The following NTN1 variants were observed in gnomAD, a reference collection of about 807,000 sequenced individuals.
The protein encoded by NTN1 is netrin 1, also known as netrin-1.
Under a neutral mutation model 54.2 loss-of-function variants are expected in NTN1, and 11 were observed. The ratio of observed to expected loss-of-function variants is 0.20; its 90% confidence interval spans 0.13 to 0.34. The LOEUF (loss-of-function observed/expected upper bound fraction) is 0.34. NTN1 is among the 10% of genes least tolerant of loss of function. NTN1 has a pLI of 1.00. For missense variants in NTN1, 740 were observed against 893.1 expected (o/e 0.83, Z 2.18); for synonymous variants, 371 against 382.0 (o/e 0.97, Z 0.33).
rs571563816 is a variant in NTN1 at position 9,073,172 on chromosome 17, C to G, written c.1018+49781C>G. 2.6e-5 allele frequency among the ~76,000 whole-genome samples: 4 copies of G among 152,196 alleles called. No individual in the cohort carries two copies. The South Asian group carries it at 6.2e-4, about 24-fold the overall frequency. ...GGCCCAAGCAGCCATGCACAGGGGC[C>G]GCATTTGCAAACAGTGGCTGGGAGG... On this transcript the variant is annotated intron_variant, in intron 2 of 6. Transcript: ENST00000173229.
Position 9,207,402 on chromosome 17 carries a change from A to G in NTN1, c.1412-13766A>G, listed in dbSNP as rs368899876. Among the ~76,000 whole-genome samples the G allele has an allele frequency of 8.5e-5, 13 of 152,330 alleles. No individual in the cohort carries two copies. In the East Asian group the frequency reaches 2.5e-3, roughly 29 times the overall value. ...TTTTCTGCCATGGCTCCTAAACTAG[A>G]GTAAAGATAATGAGAGCCAACATTT... On this transcript the variant is annotated intron_variant, in intron 5 of 6. Transcript: ENST00000173229.
In NTN1 at chr17:9,143,066, G is replaced by A. The variant is rs374028300; in HGVS notation, c.1019-19747G>A. On this transcript the variant is annotated intron_variant, in intron 2 of 6. Coordinates refer to ENST00000173229, the MANE Select transcript of NTN1 (RefSeq NM_004822.3). ...GTGACAAATGGGCTAAGACCTGGAG[G>A]TGATGAGGGATGAAGGGCAGCCGTC... Among the ~76,000 whole-genome samples the A allele has an allele frequency of 2.0e-5, 3 of 152,348 alleles. No homozygotes were observed. In the Middle Eastern group the frequency reaches 0.01, roughly 518 times the overall value.
At chr17:9,144,771 C>T (rs2092308407) in intron 2 of NTN1, among the ~76,000 whole-genome samples, 1 of 152,246 alleles carries the variant, frequency 6.6e-6, no homozygotes, top group African/African-American at 2.4e-5. Flanking sequence ...CAAGCGAGCA[C>T]ATGGAGGAAA....
rs539254487 is a variant in NTN1, at chr17:9,076,548, A to AT, written c.1018+53164dup. Among the ~76,000 whole-genome samples, 352 of 151,922 alleles carry AT rather than the reference A, an allele frequency of 2.3e-3. 1 individual carries two copies. The highest frequency in any genetic ancestry group is 8.2e-3 in the African/African-American group (341 of 41,424). ...CCAGCATGCTCAGTGAATTTTTCAAATTTTTTTGTGGAGATAGGGGTCTCT... is the reference window on the plus strand; with the variant it reads ...CCAGCATGCTCAGTGAATTTTTCAAATTTTTTTTGTGGAGATAGGGGTCTCT... On this transcript the variant is annotated intron_variant, in intron 2 of 6. Coordinates refer to ENST00000173229, the MANE Select transcript of NTN1 (RefSeq NM_004822.3).
At chr17:9,161,355 G>A (rs9896554) in intron 2 of NTN1, among the ~76,000 whole-genome samples, 23,047 of 152,166 alleles carry the variant, frequency 0.15, 1,883 homozygotes, top group Non-Finnish European at 0.17. Context: ...ACAGACCAAA[G>A]TTTGGAATCA....
intron 2 of NTN1, among the ~76,000 whole-genome samples, chr17:9,082,638 T>C (rs1411261870): frequency 6.6e-6 from 1 of 151,666 alleles, no homozygotes; most frequent in African/African-American, 2.4e-5. Context: ...GGCCGGGGGC[T>C]TCACAGAGAG....
chr17:9,012,056 G>T, the NTN1 span, among the ~76,000 whole-genome samples: 1 of 152,170 alleles, frequency 6.6e-6, no homozygotes, highest in Non-Finnish European at 1.5e-5. Context: ...CAGACGCTAT[G>T]AAAATCAGAG....
At chr17:9,191,652 T>A (rs1904460547) in intron 5 of NTN1, among the ~76,000 whole-genome samples, 1 of 151,878 alleles carries the variant, frequency 6.6e-6, no homozygotes, top group African/African-American at 2.4e-5. Flanking sequence ...AACTAGAAAT[T>A]TAGAGAATTT....
intron 2 of NTN1, among the ~76,000 whole-genome samples, chr17:9,160,782 GT>G (rs1315008759): frequency 6.6e-6 from 1 of 151,612 alleles, no homozygotes; most frequent in Non-Finnish European, 1.5e-5. Flanking sequence ...GTGAAACCCT[GT>G]TTCTACAAAA....
chr17:9,060,812 C>T (rs147072953), intron 2 of NTN1, among the ~76,000 whole-genome samples: 1 of 152,038 alleles, frequency 6.6e-6, no homozygotes, highest in African/African-American at 2.4e-5. Flanking sequence ...GCCATCTCTA[C>T]TAAAAATACA....
Position 9,022,307 on chromosome 17 carries a change from G to A in NTN1, c.-63-4G>A. On this transcript the variant is annotated splice_region_variant and splice_polypyrimidine_tract_variant and intron_variant, in intron 1 of 6. Coordinates refer to ENST00000173229, the MANE Select transcript of NTN1 (RefSeq NM_004822.3). ...GGCTGAGCGCAGCTCCCTTCTCTCC[G>A]CAGGCGCCTTCTGCGGCAGGCGGAC... is the stretch of plus-strand genomic sequence containing the variant. 7.9e-7 allele frequency: 1 copy of A among 1,258,744 alleles called. No individual in the cohort carries two copies. The highest frequency in any genetic ancestry group is 1.6e-5 in the African/African-American group (1 of 64,140). The allele number at this position is 1,258,744 out of a possible 1,614,324, so 78.0% of individuals were successfully genotyped here. A position where few individuals can be genotyped will look rare whatever the true frequency, so the allele number is the denominator to read the frequency against.
intron 3 of NTN1, among the ~76,000 whole-genome samples, chr17:9,168,149 T>C (rs1180473609): frequency 6.6e-6 from 1 of 152,162 alleles, no homozygotes; most frequent in African/African-American, 2.4e-5. Flanking sequence ...TTTATTGTTT[T>C]GAGGAGATAG....
intron 2 of NTN1, among the ~76,000 whole-genome samples, chr17:9,026,429 A>C (rs1472825354): frequency 1.3e-5 from 2 of 152,094 alleles, no homozygotes; most frequent in Non-Finnish European, 2.9e-5. Flanking sequence ...ACAATATGAA[A>C]GACAAGACGA....
At chr17:9,215,397 C>G (rs1479949649) in intron 5 of NTN1, among the ~76,000 whole-genome samples, 3 of 152,154 alleles carry the variant, frequency 2.0e-5, no homozygotes, top group Admixed American at 6.5e-5. Context: ...TTTGGCATCT[C>G]TATGTTTACT....
upstream of NTN1, among the ~76,000 whole-genome samples, chr17:9,021,064 G>C (rs923864738): frequency 3.3e-5 from 5 of 152,198 alleles, no homozygotes; most frequent in Admixed American, 2.6e-4. Context: ...GGCTGGGTTA[G>C]AGGAAGGCCC....
Position 9,211,221 on chromosome 17 carries a change from C to T in NTN1, c.1412-9947C>T, listed in dbSNP as rs1905101023. 6.6e-6 allele frequency among the ~76,000 whole-genome samples: 1 copy of T among 152,190 alleles called. No homozygotes were observed. The highest frequency in any genetic ancestry group is 1.5e-5 in the Non-Finnish European group (1 of 68,038). On this transcript the variant is annotated intron_variant, in intron 5 of 6. Coordinates refer to ENST00000173229, the MANE Select transcript of NTN1 (RefSeq NM_004822.3). The surrounding 1 kb of genome is among the most constrained non-coding windows in gnomAD (Gnocchi z 4.4). ...CTCCAGTCTCCCTTCCTTTTGGTTT[C>T]TCACACTTTCCTGCCCTGGGGCCTT...
chr17:9,104,859 T>C (rs2142245519), intron 2 of NTN1, among the ~76,000 whole-genome samples: 1 of 152,346 alleles, frequency 6.6e-6, no homozygotes, highest in South Asian at 2.1e-4. Flanking sequence ...GCCACAGTCC[T>C]GACCTGACAG....
intron 2 of NTN1, among the ~76,000 whole-genome samples, chr17:9,083,822 C>T (rs191141169): frequency 7.2e-5 from 11 of 152,300 alleles, no homozygotes. Flanking sequence ...CCATGTAATT[C>T]AAGCCATTTT....
chr17:9,229,344 G>A (rs1051038489), intron 6 of NTN1, among the ~76,000 whole-genome samples: 7 of 152,172 alleles, frequency 4.6e-5, no homozygotes, highest in Admixed American at 2.0e-4. Flanking sequence ...GCTGGGACCC[G>A]GACTGGGCAC....
Sources: gnomAD v4.1 joint callset for allele counts (sites outside exome capture counted in the v4.1 genomes callset) on GRCh38, gnomAD v4.1.1 for gene constraint, Gnocchi (gnomAD v3.1) non-coding constraint, MANE v1.5 for transcripts, NCBI Gene and HGNC (gene_info 2026-07-23, HGNC 2026-07-21) for gene names.